PRR16: variants seen among roughly 807,000 people sequenced by gnomAD.
The protein encoded by PRR16 is protein Largen.
PRR16 carries 6 observed loss-of-function variants against 18.2 expected under a neutral mutation model. The ratio of observed to expected loss-of-function variants is 0.33; its 90% confidence interval spans 0.18 to 0.65. The LOEUF is 0.65. Among genes scored for constraint, PRR16 ranks in the 30% least tolerant of loss-of-function variants. The pLI, the probability that PRR16 is intolerant of heterozygous loss-of-function variation, is 0.74. For synonymous variants in PRR16, 151 were observed against 147.8 expected (o/e 1.02, Z -0.16); for missense variants, 412 against 376.6 (o/e 1.09, Z -0.78).
the PRR16 span, among the ~76,000 whole-genome samples, chr5:120,756,886 G>A: frequency 2.6e-5 from 4 of 151,874 alleles, no homozygotes; most frequent in Non-Finnish European, 5.9e-5. Context: ...TATCCAGAAT[G>A]GTATTCTTTA....
At chr5:120,467,382 G>C (rs1749137264) in intron 1 of PRR16, among the ~76,000 whole-genome samples, 1 of 152,140 alleles carries the variant, frequency 6.6e-6, no homozygotes, top group Admixed American at 6.5e-5. Flanking sequence ...CACTATGGCA[G>C]TCATCATATA....
intron 1 of PRR16, among the ~76,000 whole-genome samples, chr5:120,519,258 T>TCAGTTAC (rs1751095481): frequency 6.6e-6 from 1 of 152,128 alleles, no homozygotes; most frequent in Non-Finnish European, 1.5e-5. Flanking sequence ...TAGTAATGAA[T>TCAGTTAC]AATAAATTGT....
chr5:120,667,390 C>T (rs913786409), intron 1 of PRR16, among the ~76,000 whole-genome samples: 3 of 151,746 alleles, frequency 2.0e-5, no homozygotes, highest in African/African-American at 7.3e-5. Context: ...TTTTGTTGAT[C>T]CTTTTAAAAA....
At chr5:120,614,399 T>C (rs1455906518) in intron 1 of PRR16, among the ~76,000 whole-genome samples, 1 of 152,206 alleles carries the variant, frequency 6.6e-6, no homozygotes, top group Non-Finnish European at 1.5e-5. Context: ...CGAATTCAGG[T>C]TTGGTACACT....
At chr5:120,791,949 A>G in the PRR16 span, among the ~76,000 whole-genome samples, 3 of 152,126 alleles carry the variant, frequency 2.0e-5, no homozygotes, top group African/African-American at 7.2e-5. Flanking sequence ...AAAGTAATAT[A>G]TTGTACATTA....
At chr5:120,486,668 T>C (rs1327136148) in intron 1 of PRR16, among the ~76,000 whole-genome samples, 1 of 152,156 alleles carries the variant, frequency 6.6e-6, no homozygotes. Flanking sequence ...CCATTTGCCA[T>C]TTTTGTCTTT....
At chr5:120,487,163 G>A (rs1749836153) in intron 1 of PRR16, among the ~76,000 whole-genome samples, 1 of 152,178 alleles carries the variant, frequency 6.6e-6, no homozygotes. Context: ...CTTTAAAGTA[G>A]TTTTTTCCAA....
At chr5:120,721,957 A>G in the PRR16 span, among the ~76,000 whole-genome samples, 2 of 152,020 alleles carry the variant, frequency 1.3e-5, no homozygotes, top group Admixed American at 6.6e-5. Flanking sequence ...AGGTATACAC[A>G]TGCTTTGCTG....
chr5:120,468,358 G>T (rs1749168506), intron 1 of PRR16, among the ~76,000 whole-genome samples: 1 of 152,086 alleles, frequency 6.6e-6, no homozygotes, highest in African/African-American at 2.4e-5. Flanking sequence ...TAAAAAGGAA[G>T]ATTTTGAATT....
chr5:120,776,675 A>G, the PRR16 span, among the ~76,000 whole-genome samples: 1 of 150,916 alleles, frequency 6.6e-6, no homozygotes, highest in South Asian at 2.1e-4. Context: ...ATTTCAAAAC[A>G]GAGAGATAAC....
At chr5:120,522,098 T>A (rs910050468) in intron 1 of PRR16, among the ~76,000 whole-genome samples, 1 of 152,196 alleles carries the variant, frequency 6.6e-6, no homozygotes, top group Non-Finnish European at 1.5e-5. Flanking sequence ...TGGTTCCAAG[T>A]CTTTGCTATT....
the PRR16 span, among the ~76,000 whole-genome samples, chr5:120,738,553 A>C: frequency 6.6e-6 from 1 of 152,090 alleles, no homozygotes; most frequent in Admixed American, 6.6e-5. Context: ...AAAGTGAGGG[A>C]ATGATTTTTG....
intron 1 of PRR16, among the ~76,000 whole-genome samples, chr5:120,517,795 G>T (rs2112646808): frequency 6.6e-6 from 1 of 152,250 alleles, no homozygotes; most frequent in African/African-American, 2.4e-5. Context: ...GTGTGAAGTG[G>T]TAGCTGGATA....
the PRR16 span, among the ~76,000 whole-genome samples, chr5:120,761,534 T>G: frequency 6.6e-6 from 1 of 152,166 alleles, no homozygotes; most frequent in Non-Finnish European, 1.5e-5. Context: ...GTTGCAAAAT[T>G]ATACATAAAT....
chr5:120,754,898 T>C, the PRR16 span, among the ~76,000 whole-genome samples: 1 of 151,386 alleles, frequency 6.6e-6, no homozygotes, highest in Non-Finnish European at 1.5e-5. Flanking sequence ...GTGAAAATAT[T>C]TTACTTGATA....
chr5:120,494,829 A>T (rs1283647474), intron 1 of PRR16, among the ~76,000 whole-genome samples: 1 of 152,058 alleles, frequency 6.6e-6, no homozygotes, highest in Non-Finnish European at 1.5e-5. Flanking sequence ...GCTCAGCACC[A>T]TTTAGTGAAA....
At chr5:120,599,149 T>G (rs974004886) in intron 1 of PRR16, among the ~76,000 whole-genome samples, 3 of 151,818 alleles carry the variant, frequency 2.0e-5, no homozygotes, top group African/African-American at 7.3e-5. Flanking sequence ...CTCTCTTGCC[T>G]TCTGGTTGAC....
At chr5:120,688,698 A>G (rs1161902427), downstream of PRR16, among the ~76,000 whole-genome samples, 5 of 152,156 alleles carry the variant, frequency 3.3e-5, no homozygotes, top group Non-Finnish European at 7.4e-5. Flanking sequence ...AGTTACTGTG[A>G]CCTAATAATC....
At chr5:120,560,804 A>C (rs1752551128) in intron 1 of PRR16, among the ~76,000 whole-genome samples, 1 of 152,116 alleles carries the variant, frequency 6.6e-6, no homozygotes, top group South Asian at 2.1e-4. Flanking sequence ...TGATCTCATT[A>C]CTTGTTATTG....
Sources: gnomAD v4.1 joint callset for allele counts (sites outside exome capture counted in the v4.1 genomes callset) on GRCh38, gnomAD v4.1.1 for gene constraint, MANE v1.5 for transcripts, NCBI Gene and HGNC (gene_info 2026-07-23, HGNC 2026-07-21) for gene names.